MAP3K10: variants seen among roughly 807,000 people sequenced by gnomAD.
MAP3K10 encodes the protein mitogen-activated protein kinase kinase kinase 10.
MAP3K10 carries 22 observed loss-of-function variants against 75.0 expected under a neutral mutation model. The observed-to-expected ratio is 0.29, with a 90% confidence interval of 0.21 to 0.42. The LOEUF (loss-of-function observed/expected upper bound fraction) is 0.42, where lower values mean the gene tolerates loss of function less well. Among genes scored for constraint, MAP3K10 ranks in the 10% least tolerant of loss-of-function variants. The pLI, the probability that MAP3K10 is intolerant of heterozygous loss-of-function variation, is 1.00. For missense variants in MAP3K10, 1,165 were observed against 1,379.8 expected, an observed-to-expected ratio of 0.84 and a Z score of 2.47; for synonymous variants, 599 against 612.9, an observed-to-expected ratio of 0.98 and a Z score of 0.34.
Position 40,205,236 on chromosome 19 carries a change from G to A in MAP3K10, c.1128G>A (p.Leu376=). The A allele has an allele frequency of 6.2e-7, 1 of 1,614,144 alleles. No homozygotes were observed. The highest frequency in any genetic ancestry group is 8.5e-7 in the Non-Finnish European group (1 of 1,180,028). ...TGCCACTGGAGTCCTTCCACTCGCT[G>A]CAGGAAGACTGGAAGCTGGAGATTC... The part of the protein sequence containing the change: ...FQMPLESFHS[L]QEDWKLEIQH... The change falls in exon 4 of 10, where the codon CTG becomes CTA. Residue 376 remains leucine (L), a synonymous_variant. Coordinates refer to ENST00000253055, the MANE Select transcript of MAP3K10 (RefSeq NM_002446.4). The surrounding 1 kb of genome is among the most constrained non-coding windows in gnomAD (Gnocchi z 4.3).
At chr19:40,203,064 G>A (rs1444413252) in intron 2 of MAP3K10, among the ~76,000 whole-genome samples, 5 of 152,188 alleles carry the variant, frequency 3.3e-5, no homozygotes, top group Admixed American at 2.6e-4. Context: ...TGAATGGGCC[G>A]GGCGCAGTGG....
At position 40,205,517 on chromosome 19, in the gene MAP3K10, G is replaced by T. The variant is rs1973103206; in HGVS notation, c.1188+221G>T. 1 of 573,510 alleles carries T rather than the reference G, an allele frequency of 1.7e-6. No homozygotes were observed. The highest frequency in any genetic ancestry group is 3.1e-6 in the Non-Finnish European group (1 of 323,516). The allele number at this position is 573,510 out of a possible 1,614,324, so 35.5% of individuals were successfully genotyped here. A position where few individuals can be genotyped will look rare whatever the true frequency, so the allele number is the denominator to read the frequency against. On this transcript the variant is annotated intron_variant, in intron 4 of 9. Coordinates refer to ENST00000253055, the MANE Select transcript of MAP3K10 (RefSeq NM_002446.4). The surrounding 1 kb of genome is among the most constrained non-coding windows in gnomAD (Gnocchi z 4.3). ...TACAGGTGACACTGCATGATGTCTG[G>T]GGTTGGCTTTAAAATACTACAGCAG...
In MAP3K10 at chr19:40,204,513, A is replaced by T; in HGVS notation, c.892A>T (p.Thr298Ser). Residue 298 changes from threonine to serine, a missense_variant, in exon 3 of 10, where the codon ACG becomes TCG. By Grantham distance (58) the Thr-to-Ser change is moderately conservative. Around this residue, in one of 2 missense-constraint regions of MAP3K10, gnomAD observed 575 missense variants for 793.2 expected, o/e 0.72. Transcript: ENST00000253055. The surrounding 1 kb of genome is among the most constrained non-coding windows in gnomAD (Gnocchi z 4.3). ...CGGGGTGCTGCTGTGGGAGCTGCTGACGGGGGAGGTCCCCTACCGTGAGAT... is the reference window on the plus strand; with the variant it reads ...CGGGGTGCTGCTGTGGGAGCTGCTGTCGGGGGAGGTCCCCTACCGTGAGAT... ...SFGVLLWELL[T>S]GEVPYREIDA... 1 of 1,613,758 alleles carries T rather than the reference A, an allele frequency of 6.2e-7. No homozygotes were observed. Among genetic ancestry groups the T allele is most frequent in the Non-Finnish European group, 8.5e-7 (1 of 1,179,880 alleles).
In MAP3K10 at chr19:40,215,262, G is replaced by A. The variant is rs1362403549; in HGVS notation, c.2835G>A (p.Val945=). The change falls in exon 10 of 10, where the codon GTG becomes GTA. Residue 945 remains valine, a synonymous_variant. Coordinates refer to ENST00000253055, the MANE Select transcript of MAP3K10 (RefSeq NM_002446.4). The stretch of plus-strand genomic sequence containing the variant: ...AGGGGCAGAACCAAGACAGCACAGT[G>A]CCCCTGTGCGGGGCCCACGGCTCCC... The part of the protein sequence containing the change: ...DMEGQNQDST[V]PLCGAHGSH The A allele has an allele frequency of 6.4e-7, 1 of 1,552,512 alleles. No homozygotes were observed. The highest frequency in any genetic ancestry group is 1.2e-5 in the South Asian group (1 of 84,392).
rs147456716 is a variant in MAP3K10 at position 40,208,786 on chromosome 19, G to A, written c.1436-317G>A. 1.2e-3 allele frequency among the ~76,000 whole-genome samples: 178 copies of A among 151,982 alleles called. 2 individuals are homozygous for A. Among genetic ancestry groups the A allele is most frequent in the African/African-American group, 4.1e-3 (169 of 41,464 alleles). The stretch of plus-strand genomic sequence containing the variant: ...TCAGCTGCTACACGTAGCTACTGGC[G>A]GCCATATTGGACACTGAGGCCTAGG... On this transcript the variant is annotated intron_variant, in intron 5 of 9. Transcript: ENST00000253055.
intron 5 of MAP3K10, 105 bp from the exon 6 acceptor site, chr19:40,208,998 G>A (rs1053616464): frequency 2.5e-6 from 2 of 785,228 alleles, no homozygotes; most frequent in African/African-American, 1.7e-5. Context: ...ATGAAAAATG[G>A]CGGTGTTCCC....
chr19:40,209,868 A>T (rs574684376), intron 6 of MAP3K10, among the ~76,000 whole-genome samples: 3 of 152,334 alleles, frequency 2.0e-5, no homozygotes, highest in Admixed American at 6.5e-5. Flanking sequence ...ACGATGACTC[A>T]TACCTGTAAT....
Position 40,192,410 on chromosome 19 carries a change from G to T in MAP3K10, c.379G>T (p.Ala127Ser), listed in dbSNP as rs369104373. 5.0e-6 allele frequency: 8 copies of T among 1,613,928 alleles called. No individual in the cohort carries two copies. Among genetic ancestry groups the T allele is most frequent in the South Asian group, 1.1e-5 (1 of 91,090 alleles). The change falls in exon 1 of 10, where the codon GCC becomes TCC. Residue 127 changes from alanine to serine, a missense_variant. By Grantham distance (99) the Ala-to-Ser change is moderately conservative (BLOSUM62 1). Transcript: ENST00000253055. The surrounding 1 kb of genome is among the most constrained non-coding windows in gnomAD (Gnocchi z 7.1). Reference sequence around the variant, plus strand: ...TGGCGAGGAGGTGGCAGTCAAGGCCGCCCGGCTGGACCCTGAGAAGGACCC... The same window carrying T: ...TGGCGAGGAGGTGGCAGTCAAGGCCTCCCGGCTGGACCCTGAGAAGGACCC... The part of the protein sequence containing the change: ...WRGEEVAVKA[A>S]RLDPEKDPAV...
Position 40,198,287 on chromosome 19 carries a change from C to A in MAP3K10, c.683-88C>A, listed in dbSNP as rs1035834663. 6.2e-6 allele frequency: 8 copies of A among 1,288,866 alleles called. No individual in the cohort carries two copies. Among genetic ancestry groups the A allele is most frequent in the Non-Finnish European group, 8.6e-6 (8 of 928,036 alleles). The allele number at this position is 1,288,866 out of a possible 1,614,324, so 79.8% of individuals were successfully genotyped here. ...CAGCCTGAGGCAGTGAGAGGAAAGA[C>A]GTGTTTCTAGCTGAGGCAGCGGGCC... On this transcript the variant is annotated intron_variant, in intron 1 of 9. Transcript: ENST00000253055. The surrounding 1 kb of genome is among the most constrained non-coding windows in gnomAD (Gnocchi z 4.3).
rs1162626924 is a variant in MAP3K10, at chr19:40,215,352, A to AGCCC, written c.*64_*67dup. 2 of 1,441,996 alleles carry AGCCC rather than the reference A, an allele frequency of 1.4e-6. No individual in the cohort carries two copies. The highest frequency in any genetic ancestry group is 5.0e-5 in the East Asian group (2 of 39,880). The allele number at this position is 1,441,996 out of a possible 1,614,324, so 89.3% of individuals were successfully genotyped here. A position where few individuals can be genotyped will look rare whatever the true frequency, so the allele number is the denominator to read the frequency against. On this transcript the variant is annotated 3_prime_UTR_variant, in exon 10 of 10. Coordinates refer to ENST00000253055, the MANE Select transcript of MAP3K10 (RefSeq NM_002446.4). ...AATGTAGCGCCCCAGGCCCTGCCCC[A>AGCCC]GCCCGCCATGCCACAAGGTGGGGGA...
Position 40,205,075 on chromosome 19 carries a change from C to T in MAP3K10, c.1013-46C>T. On this transcript the variant is annotated intron_variant, in intron 3 of 9. Transcript: ENST00000253055. This position sits in a 1 kb window ranked among gnomAD's most constrained non-coding sequence, Gnocchi z 4.3. ...AGGCTGAGTCCCCAGAGCATGACCA[C>T]TGACACCTCCATGCCCCACCACTGT... 2 of 1,573,626 alleles carry T rather than the reference C, an allele frequency of 1.3e-6. No homozygotes were observed. Among genetic ancestry groups the T allele is most frequent in the Non-Finnish European group, 1.7e-6 (2 of 1,146,042 alleles).
intron 1 of MAP3K10, among the ~76,000 whole-genome samples, chr19:40,195,216 T>G (rs2145068086): frequency 6.6e-6 from 1 of 152,166 alleles, no homozygotes; most frequent in East Asian, 1.9e-4. Flanking sequence ...TTTGATGTAG[T>G]GGAAGCCATT....
chr19:40,205,475 C>T lies in MAP3K10; in HGVS notation c.1188+179C>T. 1.6e-6 allele frequency: 1 copy of T among 636,980 alleles called. No homozygotes were observed. The highest frequency in any genetic ancestry group is 2.7e-6 in the Non-Finnish European group (1 of 371,764). The allele number at this position is 636,980 out of a possible 1,614,324, so 39.5% of individuals were successfully genotyped here. ...TTGGTGGATTAATAAGAAAAAGGCACCCTGTACTGAAGTACTTACAGGTGA... is the reference window on the plus strand; with the variant it reads ...TTGGTGGATTAATAAGAAAAAGGCATCCTGTACTGAAGTACTTACAGGTGA... On this transcript the variant is annotated intron_variant, in intron 4 of 9. Coordinates refer to ENST00000253055, the MANE Select transcript of MAP3K10 (RefSeq NM_002446.4). The surrounding 1 kb of genome is among the most constrained non-coding windows in gnomAD (Gnocchi z 4.3).
rs1973266166 is a variant in MAP3K10, at chr19:40,212,900, G to T, written c.1648G>T (p.Val550Phe). The stretch of plus-strand genomic sequence containing the variant: ...TGGGCCCCCAAAGAAGGAAGAACTG[G>T]TCGGGGGCAAGAAGAAGGGACGAAC... ...RGGPPKKEEL[V>F]GGKKKGRTWG... is the part of the protein sequence containing the mutation. Residue 550 changes from valine (V) to phenylalanine (F), a missense_variant, in exon 7 of 10, where the codon GTC becomes TTC. Val to Phe is a conservative substitution (Grantham distance 50). Around this residue, in one of 2 missense-constraint regions of MAP3K10, gnomAD observed 575 missense variants for 793.2 expected, o/e 0.72. Transcript: ENST00000253055. This position sits in a 1 kb window ranked among gnomAD's most constrained non-coding sequence, Gnocchi z 4.2. 1 of 1,613,400 alleles carries T rather than the reference G, an allele frequency of 6.2e-7. No individual in the cohort carries two copies. The highest frequency in any genetic ancestry group is 1.3e-5 in the African/African-American group (1 of 74,918).
At position 40,192,036 on chromosome 19, in the gene MAP3K10, AGGAGGAGGAGGGGGCG is replaced by A; in HGVS notation, c.7_22del (p.Glu3TrpfsTer28). The A allele has an allele frequency of 7.3e-7, 1 of 1,376,874 alleles. No homozygotes were observed. Among genetic ancestry groups the A allele is most frequent in the Non-Finnish European group, 9.5e-7 (1 of 1,055,436 alleles). The allele number at this position is 1,376,874 out of a possible 1,614,324, so 85.3% of individuals were successfully genotyped here. ...GCAGCCCCCGGCCCCTCCCCCATGG[AGGAGGAGGAGGGGGCG>A]GTGGCCAAGGAGTGGGGCACGACCC... On this transcript the variant is annotated frameshift_variant, in exon 1 of 10. Coordinates refer to ENST00000253055, the MANE Select transcript of MAP3K10 (RefSeq NM_002446.4). LOFTEE classifies it high-confidence loss of function. The surrounding 1 kb of genome is among the most constrained non-coding windows in gnomAD (Gnocchi z 7.1).
intron 2 of MAP3K10, among the ~76,000 whole-genome samples, chr19:40,199,896 C>T (rs149628218): frequency 1.0e-3 from 157 of 152,338 alleles, no homozygotes; most frequent in Middle Eastern, 3.4e-3. Context: ...CGGTGGCTCA[C>T]GCCTGTAATC....
Position 40,206,078 on chromosome 19 carries a change from C to T in MAP3K10, c.1356C>T (p.Val452=). The T allele has an allele frequency of 6.2e-7, 1 of 1,613,476 alleles. No homozygotes were observed. The highest frequency in any genetic ancestry group is 8.5e-7 in the Non-Finnish European group (1 of 1,179,772). Residue 452 remains valine (V), a synonymous_variant, in exon 5 of 10, where the codon GTC becomes GTT. Coordinates refer to ENST00000253055, the MANE Select transcript of MAP3K10 (RefSeq NM_002446.4). ...AGCTGAGCCAGGAGAAGCCCCGGGT[C>T]CGCAAGCGCAAGGGCAACTTCAAGC... is the stretch of plus-strand genomic sequence containing the variant. ...MCQLSQEKPR[V]RKRKGNFKRS...
At chr19:40,201,109 G>T (rs112367735) in intron 2 of MAP3K10, among the ~76,000 whole-genome samples, 3 of 151,454 alleles carry the variant, frequency 2.0e-5, no homozygotes, top group African/African-American at 7.3e-5. Flanking sequence ...CCCCCACCTT[G>T]TATGGTCTCC....
In MAP3K10 at chr19:40,213,986, C is replaced by T. The variant is rs1973295689; in HGVS notation, c.2307C>T (p.Ala769=). The part of the protein sequence containing the change: ...RSLLRSDSDE[A]APAAPSPPPS... Reference sequence around the variant, plus strand: ...TGCTGCGCTCTGACAGTGACGAGGCCGCACCGGCCGCGCCCTCCCCACCAC... The same window carrying T: ...TGCTGCGCTCTGACAGTGACGAGGCTGCACCGGCCGCGCCCTCCCCACCAC... Residue 769 remains alanine, a synonymous_variant, in exon 9 of 10, where the codon GCC becomes GCT. Coordinates refer to ENST00000253055, the MANE Select transcript of MAP3K10 (RefSeq NM_002446.4). This position sits in a 1 kb window ranked among gnomAD's most constrained non-coding sequence, Gnocchi z 5.7. 2 of 1,528,470 alleles carry T rather than the reference C, an allele frequency of 1.3e-6. No homozygotes were observed. The highest frequency in any genetic ancestry group is 8.7e-7 in the Non-Finnish European group (1 of 1,144,020). 94.7% of individuals were successfully genotyped at this position (1,528,470 alleles called of 1,614,324 possible).
Sources: gnomAD v4.1 joint callset for allele counts (sites outside exome capture counted in the v4.1 genomes callset) on GRCh38, gnomAD v4.1.1 for gene constraint, gnomAD v4.1.1 regional missense constraint, Gnocchi (gnomAD v3.1) non-coding constraint, MANE v1.5 for transcripts, NCBI Gene and HGNC (gene_info 2026-07-23, HGNC 2026-07-21) for gene names.